ITPR1: variants seen among roughly 807,000 people sequenced by gnomAD.
ITPR1 encodes the protein inositol 1,4,5-trisphosphate-gated calcium channel ITPR1.
Under a neutral mutation model 318.4 loss-of-function variants are expected in ITPR1, and 96 were observed. The ratio of observed to expected loss-of-function variants is 0.30; its 90% CI spans 0.26 to 0.36. The LOEUF is 0.36. Among genes scored for constraint, ITPR1 ranks in the 10% least tolerant of loss-of-function variants. The pLI is 1.00. For missense variants in ITPR1, 2,440 were observed against 3,460.2 expected, an observed-to-expected ratio of 0.71 and a Z score of 7.40; for synonymous variants, 1,312 against 1,289.9, an observed-to-expected ratio of 1.02 and a Z score of -0.37.
At chr3:4,515,545 C>T (rs1056794497) in intron 2 of ITPR1, among the ~76,000 whole-genome samples, 1 of 152,200 alleles carries the variant, frequency 6.6e-6, no homozygotes, top group Admixed American at 6.5e-5. Flanking sequence ...TCCCACATAA[C>T]TGAGTTTGTT....
At chr3:4,760,104 G>A (rs1190221251) in intron 44 of ITPR1, among the ~76,000 whole-genome samples, 1 of 152,278 alleles carries the variant, frequency 6.6e-6, no homozygotes, top group Non-Finnish European at 1.5e-5. Context: ...GGTTCAACGT[G>A]CAGATGGGAG....
intron 50 of ITPR1, among the ~76,000 whole-genome samples, chr3:4,783,483 A>T (rs1281321104): frequency 6.6e-6 from 1 of 150,550 alleles, no homozygotes; most frequent in Admixed American, 6.6e-5. Context: ...CCCTTCCATG[A>T]CCACATCTGC....
chr3:4,563,107 C>T (rs1029915177), intron 4 of ITPR1, among the ~76,000 whole-genome samples: 1 of 152,084 alleles, frequency 6.6e-6, no homozygotes. Context: ...AGGGTAAAAG[C>T]TATGATGTAG....
At chr3:4,791,458 C>T (rs1468168186) in intron 52 of ITPR1, among the ~76,000 whole-genome samples, 4 of 152,112 alleles carry the variant, frequency 2.6e-5, no homozygotes, top group African/African-American at 7.2e-5. Flanking sequence ...CAATAGGGTT[C>T]ACACTCCTGT....
chr3:4,653,920 T>C, intron 12 of ITPR1, 34 bp downstream of exon 12: 2 of 1,522,056 alleles, frequency 1.3e-6, no homozygotes, highest in Non-Finnish European at 1.8e-6. Flanking sequence ...TGTCTTCATC[T>C]GGTAGGGTGC....
chr3:4,517,833 C>A (rs934260119), intron 3 of ITPR1, among the ~76,000 whole-genome samples: 1 of 152,156 alleles, frequency 6.6e-6, no homozygotes, highest in African/African-American at 2.4e-5. Flanking sequence ...CTATGGTTGA[C>A]TCTTTTACCC....
intron 46 of ITPR1, 42 bp downstream of exon 46, chr3:4,768,806 G>A (rs370968642): frequency 1.9e-6 from 3 of 1,573,002 alleles, no homozygotes; most frequent in Middle Eastern, 1.7e-4. Context: ...GCTCGGGAAA[G>A]GCTGCCAAGG....
chr3:4,560,816 T>C (rs2086599203), intron 4 of ITPR1, among the ~76,000 whole-genome samples: 1 of 152,232 alleles, frequency 6.6e-6, no homozygotes, highest in Non-Finnish European at 1.5e-5. Context: ...TATTATAACG[T>C]AACTGAGTGG....
Position 4,688,633 on chromosome 3 carries a change from G to A in ITPR1, c.3828+13G>A. ...TCTCAACCCAGGGGTAAGACTTGAG[G>A]CCAATCTGCAAATCTATAGAGGGAG... On this transcript the variant is annotated intron_variant, in intron 31 of 61. Coordinates refer to ENST00000649015, the MANE Select transcript of ITPR1 (RefSeq NM_001378452.1). 6.2e-7 allele frequency: 1 copy of A among 1,610,726 alleles called. No homozygotes were observed.
At chr3:4,513,320 C>T (rs2081967833) in intron 2 of ITPR1, among the ~76,000 whole-genome samples, 1 of 152,208 alleles carries the variant, frequency 6.6e-6, no homozygotes, top group African/African-American at 2.4e-5. Context: ...CCCCCCATCT[C>T]CTTCCTCCAC....
chr3:4,775,321 G>A lies in ITPR1; in HGVS notation c.6059G>A (p.Gly2020Glu). The A allele has an allele frequency of 6.2e-7, 1 of 1,613,794 alleles. No individual in the cohort carries two copies. Among genetic ancestry groups the A allele is most frequent in the Non-Finnish European group, 8.5e-7 (1 of 1,179,680 alleles). ...ETLQFLDCIC[G>E]STTGGLGLLG... ...CTGCAGTTTCTGGACTGTATTTGTG[G>A]AAGCACAACTGGAGGCCTTGGTCTT... The change falls in exon 47 of 62, where the codon GGA becomes GAA. Residue 2020 changes from glycine to glutamate, a missense_variant. Transcript: ENST00000649015.
chr3:4,745,532 G>T (rs2125336204), intron 44 of ITPR1, among the ~76,000 whole-genome samples: 1 of 152,276 alleles, frequency 6.6e-6, no homozygotes, highest in South Asian at 2.1e-4. Context: ...CGTTTTCCTA[G>T]TGGTAAACAC....
In ITPR1 at chr3:4,836,879, T is replaced by C. The variant is rs781149090; in HGVS notation, c.8134T>C (p.Ser2712Pro). ...ELRNLQEKLESTMKLVTNLSG... is the reference protein window; with the variant it reads ...ELRNLQEKLEPTMKLVTNLSG... The stretch of plus-strand genomic sequence containing the variant: ...GAGAAACCTGCAGGAGAAGCTGGAG[T>C]CCACCATGAAACTTGTCACGAACCT... The change falls in exon 61 of 62, where the codon TCC becomes CCC. Residue 2712 changes from serine to proline, a missense_variant. Physicochemically the swap from Ser to Pro is moderately conservative, Grantham distance 74 (BLOSUM62 -1). Coordinates refer to ENST00000649015, the MANE Select transcript of ITPR1 (RefSeq NM_001378452.1). 6.3e-7 allele frequency: 1 copy of C among 1,595,362 alleles called. No individual in the cohort carries two copies. Among genetic ancestry groups the C allele is most frequent in the Non-Finnish European group, 8.6e-7 (1 of 1,167,280 alleles).
intron 2 of ITPR1, among the ~76,000 whole-genome samples, chr3:4,502,719 G>A (rs1337076903): frequency 6.6e-6 from 1 of 152,026 alleles, no homozygotes; most frequent in African/African-American, 2.4e-5. Context: ...GATTACAGGC[G>A]TGATCCACTG....
In ITPR1 at chr3:4,697,336, G is replaced by GTGTGTGTGTGTGTGTGTGTGTGTT. The variant is rs1353565588; in HGVS notation, c.4407+81_4407+82insGTGTGTTTGTGTGTGTGTGTGTGT. The GTGTGTGTGTGTGTGTGTGTGTGTT allele has an allele frequency of 1.7e-4, 240 of 1,409,226 alleles. 1 individual carries two copies. Among genetic ancestry groups the GTGTGTGTGTGTGTGTGTGTGTGTT allele is most frequent in the Admixed American group, 8.3e-5 (4 of 48,052 alleles). 87.3% of individuals were successfully genotyped at this position (1,409,226 alleles called of 1,614,324 possible). On this transcript the variant is annotated intron_variant, in intron 34 of 61. Transcript: ENST00000649015. ...GAGAGGTGTGTGTGTGTGTGTGTGTGTGTGTGTGTGTGTGTGTAGCATCTT... is the reference window on the plus strand; with the variant it reads ...GAGAGGTGTGTGTGTGTGTGTGTGTGTGTGTGTGTGTGTGTGTGTGTGTTTGTGTGTGTGTGTGTGTAGCATCTT...
At chr3:4,513,310 C>A (rs1315176299) in intron 2 of ITPR1, among the ~76,000 whole-genome samples, 1 of 152,168 alleles carries the variant, frequency 6.6e-6, no homozygotes, top group African/African-American at 2.4e-5. Flanking sequence ...CTATCCTCCT[C>A]CCCCCATCTC....
intron 4 of ITPR1, among the ~76,000 whole-genome samples, chr3:4,544,079 A>C (rs536763414): frequency 6.6e-6 from 1 of 152,178 alleles, no homozygotes; most frequent in East Asian, 1.9e-4. Context: ...ACTTATCTTC[A>C]TGCTCCTAGC....
chr3:4,691,457 A>T, intron 32 of ITPR1, 113 bp downstream of exon 32: 1 of 693,302 alleles, frequency 1.4e-6, no homozygotes, highest in East Asian at 2.7e-5. Flanking sequence ...ACAGAAGGAC[A>T]GAAAGTAATT....
chr3:4,695,760 T>G (rs1419537143), intron 33 of ITPR1, among the ~76,000 whole-genome samples: 2 of 152,236 alleles, frequency 1.3e-5, no homozygotes, highest in African/African-American at 4.8e-5. Flanking sequence ...TCATTTCCTT[T>G]GCTTTGGAGC....
Sources: allele counts gnomAD v4.1 joint callset (sites outside exome capture counted in the v4.1 genomes callset), GRCh38; gene constraint gnomAD v4.1.1; transcripts MANE v1.5; gene names NCBI Gene and HGNC (gene_info 2026-07-23, HGNC 2026-07-21).